The following PDK3 variants were observed in gnomAD, a reference collection of about 807,000 sequenced individuals.
PDK3 encodes pyruvate dehydrogenase kinase, isozyme 3.
PDK3 carries 12 observed loss-of-function variants against 32.0 expected under a neutral mutation model. That is an observed-to-expected ratio of 0.37 (90% CI 0.24 to 0.61). PDK3 has a LOEUF of 0.61. Among genes scored for constraint, PDK3 ranks in the 20% least tolerant of loss-of-function variants. The probability of loss-of-function intolerance (pLI) is 0.65; values close to 1 mark genes in which losing one functional copy is unlikely to be tolerated. For synonymous variants in PDK3, 122 were observed against 116.3 expected (o/e 1.05, Z -0.31); for missense variants, 188 against 316.9 (o/e 0.59, Z 3.09).
exon 12 of PDK3, among the ~76,000 whole-genome samples, chrX:24,544,191 T>C (rs1922947380): frequency 9.0e-6 from 1 of 111,321 alleles, no homozygotes; most frequent in African/African-American, 3.3e-5. Flanking sequence ...CCTTGGAACA[T>C]GTTGTCTGTG....
At chrX:24,476,528 T>A (rs1274740265) in intron 1 of PDK3, among the ~76,000 whole-genome samples, 1 of 111,453 alleles carries the variant, frequency 9.0e-6, no homozygotes, top group African/African-American at 3.3e-5. Context: ...CCCCCACAGA[T>A]ACTGAGAGGC....
chrX:24,492,917 T>G (rs1205120542), intron 1 of PDK3, among the ~76,000 whole-genome samples: 1 of 108,685 alleles, frequency 9.2e-6, no homozygotes, highest in Non-Finnish European at 1.9e-5. Flanking sequence ...GGAGAATCAC[T>G]TGAACCCAGG....
chrX:24,475,235 C>T (rs1330259271), intron 1 of PDK3, among the ~76,000 whole-genome samples: 1 of 108,312 alleles, frequency 9.2e-6, no homozygotes, highest in African/African-American at 3.4e-5. Context: ...CAAGGTGTCA[C>T]CAAGAATTAG....
chrX:24,516,760 G>A (rs1340650313), intron 5 of PDK3, among the ~76,000 whole-genome samples: 1 of 110,492 alleles, frequency 9.1e-6, no homozygotes, highest in African/African-American at 3.3e-5. Flanking sequence ...TTAATGCACA[G>A]CTCTGACTAT....
exon 12 of PDK3, chrX:24,539,593 G>A (rs1190900952): frequency 8.7e-6 from 1 of 114,615 alleles, no homozygotes; most frequent in Non-Finnish European, 1.8e-5. Context: ...AGGGCCCTGG[G>A]ACCCTGAAAG....
downstream of PDK3, chrX:24,539,150 A>G: frequency 8.8e-7 from 1 of 1,130,104 alleles, no homozygotes; most frequent in Non-Finnish European, 1.2e-6. Context: ...GATCAAGACT[A>G]ATAGAACTTT....
At chrX:24,497,070 G>A (rs962993634) in intron 2 of PDK3, among the ~76,000 whole-genome samples, 54 of 108,730 alleles carry the variant, frequency 5.0e-4, no homozygotes, top group African/African-American at 1.8e-3. Flanking sequence ...GTGAGCCACC[G>A]CACCTGGCCC....
chrX:24,487,453 A>T (rs922447314), intron 1 of PDK3, among the ~76,000 whole-genome samples: 4 of 111,887 alleles, frequency 3.6e-5, no homozygotes, highest in African/African-American at 1.3e-4. Flanking sequence ...TGCAACATAC[A>T]CATGGAACAA....
At chrX:24,476,079 C>T (rs1921106412) in intron 1 of PDK3, among the ~76,000 whole-genome samples, 1 of 111,670 alleles carries the variant, frequency 9.0e-6, no homozygotes, top group South Asian at 3.7e-4. Context: ...CATTATTTTA[C>T]TTCCATGGTA....
chrX:24,476,666 A>T (rs1048634237), intron 1 of PDK3, among the ~76,000 whole-genome samples: 43 of 112,043 alleles, frequency 3.8e-4, no homozygotes, highest in African/African-American at 1.3e-3. Flanking sequence ...ATAATTGATG[A>T]ACCAGCATTG....
chrX:24,506,801 CTTTTTTTTTTTTTTT>C (rs10682263), intron 5 of PDK3, among the ~76,000 whole-genome samples: 1 of 49,505 alleles, frequency 2.0e-5, no homozygotes, highest in African/African-American at 8.7e-5. Flanking sequence ...TTTTTTCTTT[CTTTTTTTTTTTTTTT>C]TTTTTTTTTT....
At chrX:24,467,125 A>C (rs1363712971) in intron 1 of PDK3, among the ~76,000 whole-genome samples, 2 of 112,232 alleles carry the variant, frequency 1.8e-5, no homozygotes, top group East Asian at 5.6e-4. Flanking sequence ...TTATGTGAGT[A>C]GGAAAACCAC....
exon 12 of PDK3, chrX:24,545,396 C>G (rs1294472878): frequency 3.6e-5 from 4 of 112,271 alleles, no homozygotes; most frequent in Non-Finnish European, 7.5e-5. Flanking sequence ...CCAAAGCACA[C>G]TGAGTTAATG....
At chrX:24,491,826 C>G (rs1033938814) in intron 1 of PDK3, among the ~76,000 whole-genome samples, 1 of 110,796 alleles carries the variant, frequency 9.0e-6, no homozygotes, top group Non-Finnish European at 1.9e-5. Flanking sequence ...GTCCCACCTA[C>G]CTGGGAGGCT....
intron 3 of PDK3, among the ~76,000 whole-genome samples, chrX:24,501,090 T>G (rs750222557): frequency 1.3e-4 from 14 of 111,358 alleles, no homozygotes; most frequent in Non-Finnish European, 2.3e-4. Context: ...TCGTCAAATA[T>G]TTCATCAAAT....
Position 24,505,850 on chromosome X carries a change from T to C in PDK3, c.595+552T>C, listed in dbSNP as rs925323503. On this transcript the variant is annotated intron_variant, in intron 5 of 10. Coordinates refer to ENST00000379162, the MANE Select transcript of PDK3 (RefSeq NM_005391.5). ...TGAACAGCAGTTTCCTCATTATTTATTCATTTAAGATCAATGCTATCTCCA... is the reference window on the plus strand; with the variant it reads ...TGAACAGCAGTTTCCTCATTATTTACTCATTTAAGATCAATGCTATCTCCA... Among the ~76,000 whole-genome samples the C allele has an allele frequency of 6.3e-5, 7 of 111,490 alleles. No homozygotes were observed. The Admixed American group carries it at 6.7e-4, about 11-fold the overall frequency.
intron 2 of PDK3, among the ~76,000 whole-genome samples, chrX:24,496,568 C>CTTTTTTTTTATTTTTTT (rs1921708605): frequency 2.5e-5 from 1 of 39,324 alleles, no homozygotes; most frequent in Non-Finnish European, 4.4e-5. Context: ...CTACCCCCAT[C>CTTTTTTTTTATTTTTTT]TTTTTTTTTT....
exon 12 of PDK3, chrX:24,547,514 A>G (rs1454421482): frequency 1.8e-5 from 2 of 112,315 alleles, no homozygotes; most frequent in Non-Finnish European, 3.8e-5. Flanking sequence ...TTACTAAAAA[A>G]ATCACAAAGT....
At chrX:24,546,264 T>G (rs1280434539) in exon 12 of PDK3, 1 of 112,091 alleles carries the variant, frequency 8.9e-6, no homozygotes, top group Non-Finnish European at 1.9e-5. Flanking sequence ...GGCTGCTGTT[T>G]CCTTGTAACA....
Sources: gnomAD v4.1 joint callset for allele counts (sites outside exome capture counted in the v4.1 genomes callset) on GRCh38, gnomAD v4.1.1 for gene constraint, MANE v1.5 for transcripts, NCBI Gene and HGNC (gene_info 2026-07-23, HGNC 2026-07-21) for gene names.